The following TTC39C variants were observed in gnomAD, a reference collection of about 807,000 sequenced individuals.
The protein encoded by TTC39C is tetratricopeptide repeat domain 39C.
Under a neutral mutation model 76.3 loss-of-function variants are expected in TTC39C, and 33 were observed. That is an observed-to-expected ratio of 0.43 (90% CI 0.33 to 0.58). TTC39C has a LOEUF of 0.58. Among genes scored for constraint, TTC39C ranks in the 20% least tolerant of loss-of-function variants. The pLI, the probability that TTC39C is intolerant of heterozygous loss-of-function variation, is 0.04. For synonymous variants in TTC39C, 254 were observed against 260.6 expected (o/e 0.97, Z 0.24); for missense variants, 595 against 701.4 (o/e 0.85, Z 1.71).
At chr18:24,114,517 A>G (rs765746964) in intron 6 of TTC39C, 37 bp from the exon 7 acceptor site, 2 of 1,450,018 alleles carry the variant, frequency 1.4e-6, no homozygotes, top group South Asian at 1.1e-5. Context: ...TTATCGACAG[A>G]TCTTAGCTGG....
chr18:24,114,278 C>A, intron 6 of TTC39C: 1 of 340,658 alleles, frequency 2.9e-6, no homozygotes, highest in South Asian at 3.1e-5. Context: ...GAGCTGAGCC[C>A]TTAACACCTG....
rs942752977 is a variant in TTC39C at position 24,001,873 on chromosome 18, G to T, written c.-17+8835G>T. 1.1e-3 allele frequency among the ~76,000 whole-genome samples: 146 copies of T among 129,306 alleles called. 1 individual carries two copies. The highest frequency in any genetic ancestry group is 5.3e-3 in the Admixed American group (55 of 10,318). The allele number at this position is 129,306 out of a possible 152,430, so 84.8% of individuals were successfully genotyped here. A position where few individuals can be genotyped will look rare whatever the true frequency, so the allele number is the denominator to read the frequency against. On this transcript the variant is annotated intron_variant, in intron 1 of 13. Transcript: ENST00000304621. ...CGGAGTCTCGCTCTGTGGCCCAGGC[G>T]GGAGTGCAGTGGCGCAATCTCGGCT... is the stretch of plus-strand genomic sequence containing the variant.
intron 1 of TTC39C, among the ~76,000 whole-genome samples, chr18:24,056,250 A>G (rs2084014775): frequency 6.6e-6 from 1 of 152,170 alleles, no homozygotes; most frequent in Non-Finnish European, 1.5e-5. Flanking sequence ...GGCTGCAGTG[A>G]AAGATGTGGA....
chr18:24,077,021 A>AT (rs1322280229), intron 4 of TTC39C: 1 of 152,126 alleles, frequency 6.6e-6, no homozygotes, highest in Non-Finnish European at 1.5e-5. Context: ...AATTGTTAGC[A>AT]TTCATGTCTA....
At chr18:24,113,477 T>G in intron 6 of TTC39C, 19 of 649,584 alleles carry the variant, frequency 2.9e-5, no homozygotes, top group Non-Finnish European at 3.6e-5. Flanking sequence ...CTTGGGAGCA[T>G]TGGAGGGGGA....
At chr18:24,099,519 T>A (rs2084650750) in intron 6 of TTC39C, among the ~76,000 whole-genome samples, 1 of 151,992 alleles carries the variant, frequency 6.6e-6, no homozygotes, top group African/African-American at 2.4e-5. Flanking sequence ...AATATATAAC[T>A]GATATATGTA....
At chr18:23,996,692 G>T (rs1443433634) in intron 1 of TTC39C, among the ~76,000 whole-genome samples, 1 of 152,310 alleles carries the variant, frequency 6.6e-6, no homozygotes, top group East Asian at 1.9e-4. Context: ...TGAGGATGAG[G>T]CCTAGAAATC....
intron 6 of TTC39C, among the ~76,000 whole-genome samples, chr18:24,093,789 A>G (rs2084557389): frequency 2.0e-5 from 3 of 152,202 alleles, no homozygotes; most frequent in Non-Finnish European, 2.9e-5. Context: ...TAATTAAAAA[A>G]CTTTATTGCT....
chr18:24,122,500 C>CAA (rs36002596), intron 8 of TTC39C, among the ~76,000 whole-genome samples: 8,903 of 50,866 alleles, frequency 0.18, 1,258 homozygotes, highest in East Asian at 0.25. Flanking sequence ...GACTCCATCT[C>CAA]AAAAAAAAAA....
chr18:24,113,811 G>A, intron 6 of TTC39C: 2 of 652,024 alleles, frequency 3.1e-6, no homozygotes, highest in South Asian at 1.7e-5. Context: ...AAAACGAAAT[G>A]TATTTCACTG....
At chr18:24,102,885 C>T (rs1332298746) in intron 6 of TTC39C, among the ~76,000 whole-genome samples, 1 of 152,124 alleles carries the variant, frequency 6.6e-6, no homozygotes, top group Non-Finnish European at 1.5e-5. Context: ...GGTGGGAGGA[C>T]TGCTTGAACC....
rs553896844 is a variant in TTC39C at position 24,127,929 on chromosome 18, A to G, written c.1421-957A>G. Among the ~76,000 whole-genome samples, 54 of 152,302 alleles carry G rather than the reference A, an allele frequency of 3.5e-4. 1 individual carries two copies. The South Asian group carries it at 0.011, about 30-fold the overall frequency. On this transcript the variant is annotated intron_variant, in intron 10 of 13. Coordinates refer to ENST00000317571, the MANE Select transcript of TTC39C (RefSeq NM_001135993.2). ...TCCTCTGTGGTCTCTTATCTCATTC[A>G]GAATAAAAGCCCAAGTCCATTCAGC...
rs1167418886 is a variant in TTC39C, at chr18:24,014,954, A to G, written c.83A>G (p.Gln28Arg). 3.3e-6 allele frequency: 5 copies of G among 1,529,398 alleles called. No individual in the cohort carries two copies. The highest frequency in any genetic ancestry group is 4.4e-6 in the Non-Finnish European group (5 of 1,138,208). The allele number at this position is 1,529,398 out of a possible 1,614,324, so 94.7% of individuals were successfully genotyped here. Residue 28 changes from glutamine to arginine, a missense_variant, in exon 1 of 14, where the codon CAG becomes CGG. Physicochemically the swap from Gln to Arg is conservative, Grantham distance 43. Transcript: ENST00000317571. ...DAAAAAAAPL[Q>R]DAELALAGIN... Reference sequence around the variant, plus strand: ...GCAGCGGCGGCGGCGGCGCCCCTGCAGGACGCGGAGCTGGCCCTGGCCGGC... The same window carrying G: ...GCAGCGGCGGCGGCGGCGCCCCTGCGGGACGCGGAGCTGGCCCTGGCCGGC...
intron 1 of TTC39C, among the ~76,000 whole-genome samples, chr18:24,057,214 A>G (rs369503821): frequency 6.6e-6 from 1 of 152,152 alleles, no homozygotes; most frequent in African/African-American, 2.4e-5. Flanking sequence ...TCCCTCTAAA[A>G]AGTAGAAAAT....
At chr18:24,078,934 C>T (rs1370795579) in intron 4 of TTC39C, among the ~76,000 whole-genome samples, 1 of 152,218 alleles carries the variant, frequency 6.6e-6, no homozygotes, top group Non-Finnish European at 1.5e-5. Context: ...GGATAGCAGT[C>T]AGGCCTGCTG....
chr18:24,111,009 G>C (rs1022532925), intron 6 of TTC39C, among the ~76,000 whole-genome samples: 1 of 116,436 alleles, frequency 8.6e-6, no homozygotes, highest in Admixed American at 9.0e-5. Flanking sequence ...TTTTTTTTTT[G>C]AGATGGAGTC....
At chr18:24,041,246 A>G (rs890513280) in intron 1 of TTC39C, among the ~76,000 whole-genome samples, 1 of 152,224 alleles carries the variant, frequency 6.6e-6, no homozygotes, top group African/African-American at 2.4e-5. Flanking sequence ...GATAGCATCT[A>G]AAACAGCTTG....
chr18:24,112,421 ACTT>A (rs1422193342), intron 6 of TTC39C, among the ~76,000 whole-genome samples: 1 of 152,196 alleles, frequency 6.6e-6, no homozygotes, highest in Non-Finnish European at 1.5e-5. Flanking sequence ...AAGCTCCTTA[ACTT>A]CTTTGAACTT....
At position 24,055,661 on chromosome 18, in the gene TTC39C, A is replaced by G. The variant is rs571120351; in HGVS notation, c.168-8479A>G. Reference sequence around the variant, plus strand: ...CCCCTTATCAGATATATGATTTGCAAATATTTTCTCCAGTTCCATAGGTTG... The same window carrying G: ...CCCCTTATCAGATATATGATTTGCAGATATTTTCTCCAGTTCCATAGGTTG... On this transcript the variant is annotated intron_variant, in intron 1 of 13. Transcript: ENST00000317571. Among the ~76,000 whole-genome samples the G allele has an allele frequency of 9.9e-5, 15 of 152,244 alleles. No individual in the cohort carries two copies. The East Asian group carries it at 2.7e-3, about 27-fold the overall frequency.
Sources: gnomAD v4.1 joint callset for allele counts (sites outside exome capture counted in the v4.1 genomes callset) on GRCh38, gnomAD v4.1.1 for gene constraint, MANE v1.5 for transcripts, NCBI Gene and HGNC (gene_info 2026-07-23, HGNC 2026-07-21) for gene names.